ZBTB20: variants seen among roughly 807,000 people sequenced by gnomAD.
ZBTB20 encodes the protein zinc finger and BTB domain containing 20, also known as zinc finger and BTB domain-containing protein 20.
A neutral mutation model predicts 56.9 loss-of-function variants in ZBTB20; 9 were observed. That is an observed-to-expected ratio of 0.16 (90% CI 0.10 to 0.28). The LOEUF is 0.28. Among genes scored for constraint, ZBTB20 ranks in the 10% least tolerant of loss-of-function variants. The pLI, the probability that ZBTB20 is intolerant of heterozygous loss-of-function variation, is 1.00. For missense variants in ZBTB20, 655 were observed against 1,003.0 expected (o/e 0.65, Z 4.69); for synonymous variants, 417 against 420.7 (o/e 0.99, Z 0.11).
At position 114,671,607 on chromosome 3, in the gene ZBTB20, T is replaced by TA. The variant is rs983748223; in HGVS notation, c.-295+21920dup. ...ATAAATAAATGCCATTTTTTTTTTT[T>TA]ACCTCACTGTTAAAAGGTTATTAGA... On this transcript the variant is annotated intron_variant, in intron 6 of 11. Transcript: ENST00000675478. Among the ~76,000 whole-genome samples the TA allele has an allele frequency of 8.5e-5, 13 of 152,108 alleles. 1 individual carries two copies. The highest frequency in any genetic ancestry group is 3.3e-4 in the Admixed American group (5 of 15,256).
At chr3:114,629,698 A>G (rs1415766729) in intron 6 of ZBTB20, among the ~76,000 whole-genome samples, 1 of 152,174 alleles carries the variant, frequency 6.6e-6, no homozygotes, top group Non-Finnish European at 1.5e-5. Context: ...ACTCCCAAAG[A>G]ATATAGATTA....
intron 6 of ZBTB20, among the ~76,000 whole-genome samples, chr3:114,511,641 C>G (rs531282282): frequency 3.3e-5 from 5 of 152,086 alleles, no homozygotes; most frequent in African/African-American, 1.2e-4. Context: ...ACAGTTAGTA[C>G]AAGGGAAAAT....
intron 5 of ZBTB20, among the ~76,000 whole-genome samples, chr3:114,751,439 T>A (rs2067548694): frequency 6.6e-6 from 1 of 152,148 alleles, no homozygotes; most frequent in Non-Finnish European, 1.5e-5. Flanking sequence ...TGCTTTTTCT[T>A]ACAAAATATA....
At chr3:114,731,670 TACTAATCCAGCTGTACCTAGATTAGTA>T (rs1180893607) in intron 5 of ZBTB20, among the ~76,000 whole-genome samples, 5 of 152,172 alleles carry the variant, frequency 3.3e-5, no homozygotes, top group Non-Finnish European at 5.9e-5. Flanking sequence ...CTACATTAGT[TACTAATCCAGCTGTACCTAGATTAGTA>T]ACTAACCCGG....
intron 6 of ZBTB20, among the ~76,000 whole-genome samples, chr3:114,692,212 C>G (rs1282248407): frequency 6.6e-6 from 1 of 152,070 alleles, no homozygotes; most frequent in African/African-American, 2.4e-5. Flanking sequence ...ACCAAATAAG[C>G]CTTTCCCTTG....
intron 3 of ZBTB20, among the ~76,000 whole-genome samples, chr3:114,938,625 GA>G (rs1325655276): frequency 6.9e-6 from 1 of 145,526 alleles, no homozygotes; most frequent in Non-Finnish European, 1.5e-5. Context: ...TGAACAATGA[GA>G]ACACATGGAC....
At chr3:114,665,553 A>G (rs956382734) in intron 6 of ZBTB20, among the ~76,000 whole-genome samples, 1 of 152,048 alleles carries the variant, frequency 6.6e-6, no homozygotes, top group Non-Finnish European at 1.5e-5. Context: ...TTTGGCACTC[A>G]TTAAGTAAAG....
intron 5 of ZBTB20, among the ~76,000 whole-genome samples, chr3:114,717,856 C>T (rs560654673): frequency 1.2e-4 from 19 of 152,206 alleles, no homozygotes; most frequent in African/African-American, 4.3e-4. Context: ...CACGGATAAC[C>T]GCTTCTTTTC....
At chr3:114,934,120 C>G (rs539621170) in intron 3 of ZBTB20, among the ~76,000 whole-genome samples, 1 of 152,154 alleles carries the variant, frequency 6.6e-6, no homozygotes, top group Non-Finnish European at 1.5e-5. Context: ...TCTTAGGTCC[C>G]TAATGCATGA....
intron 5 of ZBTB20, among the ~76,000 whole-genome samples, chr3:114,780,983 A>G (rs1703859830): frequency 6.6e-6 from 1 of 152,220 alleles, no homozygotes; most frequent in South Asian, 2.1e-4. Flanking sequence ...GAAACATAAC[A>G]ACCATTGTAA....
rs538718380 is a variant in ZBTB20, at chr3:114,868,892, A to G, written c.-417+31412T>C. 3.9e-5 allele frequency among the ~76,000 whole-genome samples: 6 copies of G among 152,268 alleles called. No individual in the cohort carries two copies. The East Asian group carries it at 1.2e-3, about 29-fold the overall frequency. On this transcript the variant is annotated intron_variant, in intron 4 of 11. Coordinates refer to ENST00000675478, the MANE Select transcript of ZBTB20 (RefSeq NM_001348800.3). Reference sequence around the variant, plus strand: ...GAAGAGGGGAAAGGAGAGAAGCTGCAAATAACCAATTTAATTACCCTAACA... The same window carrying G: ...GAAGAGGGGAAAGGAGAGAAGCTGCGAATAACCAATTTAATTACCCTAACA...
At chr3:114,474,069 AAACCATCAG>A (rs2040454867) in intron 7 of ZBTB20, among the ~76,000 whole-genome samples, 1 of 152,210 alleles carries the variant, frequency 6.6e-6, no homozygotes, top group South Asian at 2.1e-4. Flanking sequence ...CCCCTTTTCA[AAACCATCAG>A]ATCTCTTGAG....
chr3:114,953,825 G>GA (rs1453489410), intron 3 of ZBTB20, among the ~76,000 whole-genome samples: 3 of 151,952 alleles, frequency 2.0e-5, no homozygotes, highest in African/African-American at 7.2e-5. Flanking sequence ...AAACAGAACT[G>GA]AAAAAATTAG....
At chr3:114,727,695 T>C (rs1243473065) in intron 5 of ZBTB20, among the ~76,000 whole-genome samples, 1 of 152,236 alleles carries the variant, frequency 6.6e-6, no homozygotes, top group Non-Finnish European at 1.5e-5. Flanking sequence ...TGTTTGAAGA[T>C]TCATGTAGAA....
chr3:114,898,189 G>A (rs767945301), intron 4 of ZBTB20, among the ~76,000 whole-genome samples: 8 of 152,118 alleles, frequency 5.3e-5, no homozygotes, highest in Non-Finnish European at 7.4e-5. Flanking sequence ...TAGGGAGGGA[G>A]AAGCATAAGC....
intron 2 of ZBTB20, among the ~76,000 whole-genome samples, chr3:114,986,379 T>C (rs1167347413): frequency 6.6e-6 from 1 of 152,144 alleles, no homozygotes; most frequent in Non-Finnish European, 1.5e-5. Flanking sequence ...TCGGTTGAAG[T>C]TCAAAATATA....
At chr3:115,124,235 A>G (rs1012914901) in intron 1 of ZBTB20, among the ~76,000 whole-genome samples, 4 of 152,206 alleles carry the variant, frequency 2.6e-5, no homozygotes, top group Admixed American at 6.5e-5. Flanking sequence ...AGAAATTATG[A>G]TATCAACTTA....
intron 2 of ZBTB20, among the ~76,000 whole-genome samples, chr3:115,069,697 A>G (rs1341635867): frequency 6.6e-6 from 1 of 152,134 alleles, no homozygotes; most frequent in Non-Finnish European, 1.5e-5. Context: ...GGCAGCAATG[A>G]TCCATAACAT....
At chr3:115,031,942 C>T (rs1243085887) in intron 2 of ZBTB20, among the ~76,000 whole-genome samples, 1 of 151,414 alleles carries the variant, frequency 6.6e-6, no homozygotes, top group African/African-American at 2.4e-5. Flanking sequence ...ACCCTGAGTA[C>T]ATCAGACTGC....
Sources: allele counts gnomAD v4.1 joint callset (sites outside exome capture counted in the v4.1 genomes callset), GRCh38; gene constraint gnomAD v4.1.1; transcripts MANE v1.5; gene names NCBI Gene and HGNC (gene_info 2026-07-23, HGNC 2026-07-21).